The following RAMP3 variants were observed in gnomAD, a reference collection of about 807,000 sequenced individuals.
The protein encoded by RAMP3 is receptor activity modifying protein 3, also known as receptor activity-modifying protein 3.
Under a neutral mutation model 13.5 loss-of-function variants are expected in RAMP3, and 14 were observed. That is an observed-to-expected ratio of 1.04 (90% CI 0.69 to 1.63). The LOEUF is 1.63. Ranked by LOEUF, RAMP3 falls within the 40% of genes most tolerant of loss-of-function variation. The probability of loss-of-function intolerance (pLI) is 0.00; values close to 1 mark genes in which losing one functional copy is unlikely to be tolerated. For synonymous variants in RAMP3, 106 were observed against 88.3 expected (o/e 1.20, Z -1.12); for missense variants, 200 against 204.8 (o/e 0.98, Z 0.14).
In RAMP3 at chr7:45,171,431, C is replaced by T. The variant is rs184376697; in HGVS notation, c.59-5878C>T. On this transcript the variant is annotated intron_variant, in intron 1 of 2. Transcript: ENST00000242249. ...TTGGCCTCTGAAAGTTCTGGGATTACAGGCGTGAGCCACCACGCTCAGCCC... is the reference window on the plus strand; with the variant it reads ...TTGGCCTCTGAAAGTTCTGGGATTATAGGCGTGAGCCACCACGCTCAGCCC... Among the ~76,000 whole-genome samples, 23 of 152,328 alleles carry T rather than the reference C, an allele frequency of 1.5e-4. No individual in the cohort carries two copies. The East Asian group carries it at 3.9e-3, about 26-fold the overall frequency.
At chr7:45,158,804 T>C (rs1350456291) in intron 1 of RAMP3, among the ~76,000 whole-genome samples, 2 of 152,174 alleles carry the variant, frequency 1.3e-5, no homozygotes, top group Non-Finnish European at 2.9e-5. Context: ...AACTCAGTGG[T>C]CATTTTCCTT....
chr7:45,167,610 C>T lies in RAMP3; in HGVS notation c.59-9699C>T, dbSNP rs1174441023. On this transcript the variant is annotated intron_variant, in intron 1 of 2. Coordinates refer to ENST00000242249, the MANE Select transcript of RAMP3 (RefSeq NM_005856.3). ...CGGAGTTTCATTCTTGTTGCCCAGG[C>T]TGGAGTGCAATGGCGCGATCTCGGC... 2.0e-5 allele frequency among the ~76,000 whole-genome samples: 3 copies of T among 149,694 alleles called. No individual in the cohort carries two copies. The East Asian group carries it at 5.9e-4, about 30-fold the overall frequency.
chr7:45,176,540 C>T (rs1018639076), intron 1 of RAMP3, among the ~76,000 whole-genome samples: 1 of 151,998 alleles, frequency 6.6e-6, no homozygotes, highest in Non-Finnish European at 1.5e-5. Context: ...AGTTTAGGAG[C>T]AGGGAGGTCC....
chr7:45,162,444 C>T (rs1237539802), intron 1 of RAMP3, among the ~76,000 whole-genome samples: 1 of 152,184 alleles, frequency 6.6e-6, no homozygotes, highest in Non-Finnish European at 1.5e-5. Flanking sequence ...TGCAGCCCTG[C>T]TTGGCAGACC....
chr7:45,175,011 T>G (rs1218632032), intron 1 of RAMP3, among the ~76,000 whole-genome samples: 1 of 152,206 alleles, frequency 6.6e-6, no homozygotes, highest in Non-Finnish European at 1.5e-5. Context: ...GTGGGGGACC[T>G]GTGCTACATG....
At chr7:45,174,744 T>C (rs1446325691) in intron 1 of RAMP3, among the ~76,000 whole-genome samples, 1 of 152,094 alleles carries the variant, frequency 6.6e-6, no homozygotes, top group Non-Finnish European at 1.5e-5. Context: ...GCCCCATCTA[T>C]TATATGCTCT....
intron 1 of RAMP3, among the ~76,000 whole-genome samples, chr7:45,168,982 T>A (rs1437450817): frequency 1.3e-5 from 2 of 152,232 alleles, no homozygotes; most frequent in Non-Finnish European, 2.9e-5. Flanking sequence ...TTTTTAATCA[T>A]GAAAAGACAT....
chr7:45,175,440 T>C (rs1411759601), intron 1 of RAMP3, among the ~76,000 whole-genome samples: 1 of 152,146 alleles, frequency 6.6e-6, no homozygotes, highest in Non-Finnish European at 1.5e-5. Context: ...AGGGGAGATG[T>C]GAGTGCCTAC....
intron 1 of RAMP3, among the ~76,000 whole-genome samples, chr7:45,172,579 G>A (rs1343579839): frequency 1.3e-5 from 2 of 152,160 alleles, no homozygotes; most frequent in Non-Finnish European, 2.9e-5. Flanking sequence ...TGGTTCAAGC[G>A]ATTCTCATAC....
chr7:45,177,509 G>C (rs1786216009), intron 2 of RAMP3, 68 bp downstream of exon 2: 1 of 1,601,338 alleles, frequency 6.2e-7, no homozygotes. Context: ...ACCACTGCCT[G>C]ACCACAGCCT....
chr7:45,157,803 C>T lies in RAMP3; in HGVS notation c.-26C>T. 1.4e-6 allele frequency: 2 copies of T among 1,436,236 alleles called. No individual in the cohort carries two copies. 89.0% of individuals were successfully genotyped at this position (1,436,236 alleles called of 1,614,324 possible). On this transcript the variant is annotated 5_prime_UTR_variant, in exon 1 of 3. Transcript: ENST00000242249. ...CAGCCGCGCCCCCAGCGGGACCGAG[C>T]GTGACCCAGCTGCGGCCGGCCAGCC...
chr7:45,160,020 ACT>A (rs773374994), intron 1 of RAMP3, among the ~76,000 whole-genome samples: 30 of 152,142 alleles, frequency 2.0e-4, no homozygotes, highest in Non-Finnish European at 2.9e-4. Flanking sequence ...GATAGCAGTA[ACT>A]CTGGTGAATT....
intron 2 of RAMP3, 64 bp from the exon 3 acceptor site, chr7:45,183,093 C>T: frequency 1.3e-6 from 2 of 1,585,410 alleles, no homozygotes; most frequent in Non-Finnish European, 1.7e-6. Flanking sequence ...TTCCTGGCCT[C>T]AGGTCAGGGC....
At position 45,183,668 on chromosome 7, in the gene RAMP3, T is replaced by C; in HGVS notation, c.*256T>C. ...GAAAATGTGATAAGGCCAGAGCTTG[T>C]GTGCTGGGCACAGAAATCACCTGCT... is the stretch of plus-strand genomic sequence containing the variant. On this transcript the variant is annotated 3_prime_UTR_variant, in exon 3 of 3. Coordinates refer to ENST00000242249, the MANE Select transcript of RAMP3 (RefSeq NM_005856.3). The C allele has an allele frequency of 3.3e-6, 2 of 597,912 alleles. No individual in the cohort carries two copies. Among genetic ancestry groups the C allele is most frequent in the Middle Eastern group, 4.5e-4 (1 of 2,214 alleles). The allele number at this position is 597,912 out of a possible 1,614,324, so 37.0% of individuals were successfully genotyped here.
chr7:45,173,543 A>T (rs1473419041), intron 1 of RAMP3, among the ~76,000 whole-genome samples: 1 of 152,182 alleles, frequency 6.6e-6, no homozygotes, highest in African/African-American at 2.4e-5. Context: ...GCTTCTCCCT[A>T]TGAAGGTCCC....
chr7:45,173,232 C>T (rs1337683874), intron 1 of RAMP3, among the ~76,000 whole-genome samples: 3 of 152,164 alleles, frequency 2.0e-5, no homozygotes, highest in African/African-American at 7.2e-5. Flanking sequence ...TCCAGGCTTT[C>T]AGTTGTTTTC....
chr7:45,163,180 T>G (rs889375868), intron 1 of RAMP3: 3 of 985,258 alleles, frequency 3.0e-6, no homozygotes, highest in Non-Finnish European at 3.6e-6. Context: ...TGGGTGAGCC[T>G]ATTGTGCAGT....
At position 45,183,518 on chromosome 7, in the gene RAMP3, C is replaced by A; in HGVS notation, c.*106C>A. Reference sequence around the variant, plus strand: ...CCAATCTCCAGCTACTGTGGCCACACCCCACCTGGTCATGGGCAGACCCCT... The same window carrying A: ...CCAATCTCCAGCTACTGTGGCCACAACCCACCTGGTCATGGGCAGACCCCT... On this transcript the variant is annotated 3_prime_UTR_variant, in exon 3 of 3. Transcript: ENST00000242249. The A allele has an allele frequency of 6.7e-7, 1 of 1,491,710 alleles. No individual in the cohort carries two copies. The allele number at this position is 1,491,710 out of a possible 1,614,324, so 92.4% of individuals were successfully genotyped here. A position where few individuals can be genotyped will look rare whatever the true frequency, so the allele number is the denominator to read the frequency against.
chr7:45,182,795 G>A (rs1036078157), intron 2 of RAMP3, among the ~76,000 whole-genome samples: 1 of 152,150 alleles, frequency 6.6e-6, no homozygotes, highest in Non-Finnish European at 1.5e-5. Context: ...AGGTCCAAGC[G>A]GCTGTGATCC....
Sources: allele counts gnomAD v4.1 joint callset (sites outside exome capture counted in the v4.1 genomes callset), GRCh38; gene constraint gnomAD v4.1.1; transcripts MANE v1.5; gene names NCBI Gene and HGNC (gene_info 2026-07-23, HGNC 2026-07-21).